The following AGO1 variants were observed in gnomAD, a reference collection of about 807,000 sequenced individuals.
AGO1 encodes protein argonaute-1.
In AGO1, 11 loss-of-function variants were observed where a neutral mutation model predicts 109.2. The ratio of observed to expected loss-of-function variants is 0.10; its 90% CI spans 0.06 to 0.17. The LOEUF is 0.17. AGO1 is among the 10% of genes least tolerant of loss of function. AGO1 has a pLI of 1.00. For missense variants in AGO1, 574 were observed against 1,140.3 expected (o/e 0.50, Z 7.15); for synonymous variants, 422 against 418.6 (o/e 1.01, Z -0.10).
rs757779782 is a variant in AGO1, at chr1:35,920,640, G to T, written c.*1033G>T. ...ACATGACAAGTCTCGGAGCTGCTGAGATGACAGGCCCCTGGCCTTTCCACT... is the reference window on the plus strand; with the variant it reads ...ACATGACAAGTCTCGGAGCTGCTGATATGACAGGCCCCTGGCCTTTCCACT... On this transcript the variant is annotated 3_prime_UTR_variant, in exon 19 of 19. Transcript: ENST00000373204. 1.3e-5 allele frequency: 2 copies of T among 152,584 alleles called. No individual in the cohort carries two copies. The highest frequency in any genetic ancestry group is 2.9e-5 in the Non-Finnish European group (2 of 68,052). 9.5% of individuals were successfully genotyped at this position (152,584 alleles called of 1,614,324 possible). A position where few individuals can be genotyped will look rare whatever the true frequency, so the allele number is the denominator to read the frequency against.
intron 15 of AGO1, among the ~76,000 whole-genome samples, chr1:35,915,968 G>A (rs960487533): frequency 2.0e-5 from 3 of 152,098 alleles, no homozygotes; most frequent in Non-Finnish European, 4.4e-5. Context: ...TACATTTGAG[G>A]ACTAATGCTG....
chr1:35,920,893 C>T lies in AGO1; in HGVS notation c.*1286C>T, dbSNP rs1287397808. 1 of 152,472 alleles carries T rather than the reference C, an allele frequency of 6.6e-6. No individual in the cohort carries two copies. The highest frequency in any genetic ancestry group is 1.5e-5 in the Non-Finnish European group (1 of 67,990). 9.4% of individuals were successfully genotyped at this position (152,472 alleles called of 1,614,324 possible). A position where few individuals can be genotyped will look rare whatever the true frequency, so the allele number is the denominator to read the frequency against. ...TTATACCATAACTTGAGTGTATTGC[C>T]AAAATTTGGAAATCCTTCCCATGCC... On this transcript the variant is annotated 3_prime_UTR_variant, in exon 19 of 19. Coordinates refer to ENST00000373204, the MANE Select transcript of AGO1 (RefSeq NM_012199.5).
chr1:35,894,391 T>A lies in AGO1; in HGVS notation c.861T>A (p.Ala287=). 1 of 1,614,096 alleles carries A rather than the reference T, an allele frequency of 6.2e-7. No homozygotes were observed. The highest frequency in any genetic ancestry group is 8.5e-7 in the Non-Finnish European group (1 of 1,179,964). ...TGTGTAATGTTACCCGTCGCCCTGC[T>A]AGCCATCAGACGTAAGTTGGCAGGG... ...YRVCNVTRRP[A]SHQTFPLQLE... Residue 287 remains alanine (A), a synonymous_variant, in exon 7 of 19, where the codon GCT becomes GCA. Coordinates refer to ENST00000373204, the MANE Select transcript of AGO1 (RefSeq NM_012199.5).
intron 15 of AGO1, among the ~76,000 whole-genome samples, chr1:35,917,193 G>C (rs1645750449): frequency 6.6e-6 from 1 of 152,110 alleles, no homozygotes; most frequent in Non-Finnish European, 1.5e-5. Flanking sequence ...TTCTCTGGTG[G>C]TCCACAACCT....
intron 15 of AGO1, among the ~76,000 whole-genome samples, chr1:35,917,103 G>T (rs185698011): frequency 6.6e-6 from 1 of 152,236 alleles, no homozygotes; most frequent in East Asian, 1.9e-4. Context: ...TAGCTAGCCT[G>T]TTTTCTTATA....
Position 35,930,456 on chromosome 1 carries a change from C to T in AGO1, c.*10849C>T, listed in dbSNP as rs1646016011. On this transcript the variant is annotated 3_prime_UTR_variant, in exon 19 of 19. Coordinates refer to ENST00000373204, the MANE Select transcript of AGO1 (RefSeq NM_012199.5). ...TAGCACAGGCGGGGCCCATTTACGC[C>T]GTGCGTTTTCACCCTGGAAAGGAGT... 6.6e-6 allele frequency: 1 copy of T among 152,138 alleles called. No individual in the cohort carries two copies. Among genetic ancestry groups the T allele is most frequent in the African/African-American group, 2.4e-5 (1 of 41,424 alleles). The allele number at this position is 152,138 out of a possible 1,614,324, so 9.4% of individuals were successfully genotyped here. A position where few individuals can be genotyped will look rare whatever the true frequency, so the allele number is the denominator to read the frequency against.
Position 35,922,019 on chromosome 1 carries a change from G to C in AGO1, c.*2412G>C, listed in dbSNP as rs1409869642. The C allele has an allele frequency of 6.5e-6, 1 of 152,718 alleles. No homozygotes were observed. Among genetic ancestry groups the C allele is most frequent in the Non-Finnish European group, 1.5e-5 (1 of 68,122 alleles). The allele number at this position is 152,718 out of a possible 1,614,324, so 9.5% of individuals were successfully genotyped here. A position where few individuals can be genotyped will look rare whatever the true frequency, so the allele number is the denominator to read the frequency against. Reference sequence around the variant, plus strand: ...GTGGGCTCTGCATGTTCTCCACTTGGATACATTTTGGGGCTAGGATCAGGG... The same window carrying C: ...GTGGGCTCTGCATGTTCTCCACTTGCATACATTTTGGGGCTAGGATCAGGG... On this transcript the variant is annotated 3_prime_UTR_variant, in exon 19 of 19. Transcript: ENST00000373204.
At chr1:35,915,622 C>A in intron 15 of AGO1, 80 bp downstream of exon 15, 1 of 1,340,840 alleles carries the variant, frequency 7.5e-7, no homozygotes, top group Non-Finnish European at 1.0e-6. Flanking sequence ...AAGCTATTGG[C>A]ACTGAGAGGT....
intron 2 of AGO1, among the ~76,000 whole-genome samples, chr1:35,889,294 A>T (rs1294690882): frequency 6.7e-6 from 1 of 148,820 alleles, no homozygotes; most frequent in African/African-American, 2.5e-5. Context: ...ACTCACTGCA[A>T]CCTCTGTCTC....
intron 12 of AGO1, among the ~76,000 whole-genome samples, chr1:35,910,561 G>C (rs897116806): frequency 1.3e-5 from 2 of 151,842 alleles, no homozygotes; most frequent in African/African-American, 4.8e-5. Context: ...CACTATTCTG[G>C]CTTCTAATAC....
rs1213116304 is a variant in AGO1 at position 35,928,924 on chromosome 1, AACCAGTGTC to A, written c.*9323_*9331del. 2 of 152,346 alleles carry A rather than the reference AACCAGTGTC, an allele frequency of 1.3e-5. No homozygotes were observed. Among genetic ancestry groups the A allele is most frequent in the Non-Finnish European group, 2.9e-5 (2 of 68,038 alleles). The allele number at this position is 152,346 out of a possible 1,614,324, so 9.4% of individuals were successfully genotyped here. A position where few individuals can be genotyped will look rare whatever the true frequency, so the allele number is the denominator to read the frequency against. ...TTCTGTATTTCTTTCTTCTCAGAAC[AACCAGTGTC>A]ACCAGGTATGAGGGCAGAGTTTTAG... is the stretch of plus-strand genomic sequence containing the variant. On this transcript the variant is annotated 3_prime_UTR_variant, in exon 19 of 19. Transcript: ENST00000373204.
rs1362568644 is a variant in AGO1, at chr1:35,888,783, A to G, written c.209+173A>G. On this transcript the variant is annotated intron_variant, in intron 2 of 18. Coordinates refer to ENST00000373204, the MANE Select transcript of AGO1 (RefSeq NM_012199.5). This position sits in a 1 kb window ranked among gnomAD's most constrained non-coding sequence, Gnocchi z 4.1. ...AAAAATAGTCCAATTGGACTTCGCT[A>G]TTGGAAGATTATTAGTGGCTTTTGC... 3.3e-5 allele frequency among the ~76,000 whole-genome samples: 5 copies of G among 152,234 alleles called. No homozygotes were observed. The highest frequency in any genetic ancestry group is 7.3e-5 in the Non-Finnish European group (5 of 68,032).
upstream of AGO1, among the ~76,000 whole-genome samples, chr1:35,880,387 C>CAAT (rs1037675906): frequency 2.0e-5 from 3 of 151,976 alleles, no homozygotes; most frequent in African/African-American, 7.3e-5. Flanking sequence ...CTCATCTCTA[C>CAAT]AATAAGTAAG....
At chr1:35,918,944 G>C in intron 17 of AGO1, 111 bp from the exon 18 acceptor site, 3 of 986,088 alleles carry the variant, frequency 3.0e-6, no homozygotes, top group Non-Finnish European at 4.7e-6. Context: ...GCATCTGCCT[G>C]TTCATGGGTG....
At chr1:35,878,363 G>A (rs1049215506), upstream of AGO1, among the ~76,000 whole-genome samples, 2 of 152,072 alleles carry the variant, frequency 1.3e-5, no homozygotes, top group Non-Finnish European at 2.9e-5. Flanking sequence ...GGGATTACAG[G>A]TGTGAGCCAC....
chr1:35,882,077 G>A (rs1313069663), upstream of AGO1, among the ~76,000 whole-genome samples: 1 of 152,256 alleles, frequency 6.6e-6, no homozygotes, highest in Non-Finnish European at 1.5e-5. The surrounding 1 kb of genome is among the most constrained non-coding windows in gnomAD (Gnocchi z 5.1). Flanking sequence ...TAGAGGAACT[G>A]TCATTTCTGA....
chr1:35,892,608 T>C lies in AGO1; in HGVS notation c.261T>C (p.Asp87=). ...ATTTCAAGCCTCAGATCTTTGGTGA[T>C]CGCAAGCCTGTGTATGATGGAAAGA... ...VQHFKPQIFG[D]RKPVYDGKKN... Residue 87 remains aspartate, a synonymous_variant, in exon 3 of 19, where the codon GAT becomes GAC. Transcript: ENST00000373204. 6.2e-7 allele frequency: 1 copy of C among 1,614,242 alleles called. No individual in the cohort carries two copies. Among genetic ancestry groups the C allele is most frequent in the Non-Finnish European group, 8.5e-7 (1 of 1,180,046 alleles).
intron 1 of AGO1, among the ~76,000 whole-genome samples, chr1:35,870,274 T>G (rs1479266553): frequency 2.0e-5 from 3 of 151,884 alleles, no homozygotes; most frequent in South Asian, 4.1e-4. Context: ...TATAACATTT[T>G]TTGTTGTTGT....
At chr1:35,886,346 G>A (rs930393742) in intron 1 of AGO1, among the ~76,000 whole-genome samples, 3 of 152,268 alleles carry the variant, frequency 2.0e-5, no homozygotes, top group Middle Eastern at 6.8e-3. Flanking sequence ...CTTTCAGGGG[G>A]ATGTAATGGG....
Sources: gnomAD v4.1 joint callset for allele counts (sites outside exome capture counted in the v4.1 genomes callset) on GRCh38, gnomAD v4.1.1 for gene constraint, Gnocchi (gnomAD v3.1) non-coding constraint, MANE v1.5 for transcripts, NCBI Gene and HGNC (gene_info 2026-07-23, HGNC 2026-07-21) for gene names.